Variants in FRMPD4 observed in about 807,000 individuals in gnomAD.
The protein encoded by FRMPD4 is FERM and PDZ domain containing 4.
In FRMPD4, 22 loss-of-function variants were observed where a neutral mutation model predicts 94.1. The ratio of observed to expected loss-of-function variants is 0.23; its 90% CI spans 0.17 to 0.33. FRMPD4 has a LOEUF of 0.33. FRMPD4 is among the 10% of genes least tolerant of loss of function. The probability of loss-of-function intolerance (pLI) is 1.00; values close to 1 mark genes in which losing one functional copy is unlikely to be tolerated. For missense variants in FRMPD4, 1,111 were observed against 1,339.9 expected (o/e 0.83, Z 2.67); for synonymous variants, 631 against 548.6 (o/e 1.15, Z -2.10).
chrX:12,274,038 G>A (rs1396025843), intron 1 of FRMPD4, among the ~76,000 whole-genome samples: 1 of 111,237 alleles, frequency 9.0e-6, no homozygotes, highest in Non-Finnish European at 1.9e-5. Flanking sequence ...ACATTTCATG[G>A]GTCTTTCATG....
intron 2 of FRMPD4, among the ~76,000 whole-genome samples, chrX:12,572,545 A>C (rs1376816434): frequency 8.9e-6 from 1 of 112,018 alleles, no homozygotes; most frequent in Admixed American, 9.5e-5. Context: ...TTGACATTTG[A>C]AGCCAGATGC....
intron 2 of FRMPD4, among the ~76,000 whole-genome samples, chrX:12,500,530 T>A (rs773169865): frequency 1.3e-4 from 14 of 110,795 alleles, no homozygotes; most frequent in Non-Finnish European, 1.7e-4. Flanking sequence ...GAGCACAGTT[T>A]CTTTCTGACG....
At chrX:12,039,195 CATTTA>C (rs1199714920) in intron 3 of FRMPD4, among the ~76,000 whole-genome samples, 4 of 107,930 alleles carry the variant, frequency 3.7e-5, no homozygotes, top group Non-Finnish European at 7.7e-5. Flanking sequence ...TTTATTTTTG[CATTTA>C]ATTTATTTAT....
intron 3 of FRMPD4, among the ~76,000 whole-genome samples, chrX:12,017,682 A>G (rs1376213173): frequency 8.9e-6 from 1 of 112,021 alleles, no homozygotes; most frequent in Admixed American, 9.4e-5. Context: ...AATAGGAACT[A>G]AAGACTATAT....
intron 1 of FRMPD4, among the ~76,000 whole-genome samples, chrX:12,295,398 A>T (rs745323414): frequency 8.9e-6 from 1 of 112,373 alleles, no homozygotes; most frequent in African/African-American, 3.2e-5. Flanking sequence ...AAGTGTATGC[A>T]TGGACTCTGC....
At chrX:12,168,722 T>G (rs753978956) in intron 1 of FRMPD4, among the ~76,000 whole-genome samples, 1 of 101,936 alleles carries the variant, frequency 9.8e-6, no homozygotes, top group East Asian at 3.2e-4. Flanking sequence ...GCCTCCTGGG[T>G]TCACGCCATT....
intron 3 of FRMPD4, among the ~76,000 whole-genome samples, chrX:11,961,073 G>C (rs2054281086): frequency 9.0e-6 from 1 of 111,544 alleles, no homozygotes; most frequent in Non-Finnish European, 1.9e-5. Context: ...TTTTCTAACT[G>C]TTCTTTGATC....
chrX:12,491,033 A>C (rs1264665942), intron 1 of FRMPD4, among the ~76,000 whole-genome samples: 2 of 110,629 alleles, frequency 1.8e-5, no homozygotes, highest in Non-Finnish European at 3.8e-5. Flanking sequence ...GGGATTGCCA[A>C]AATGCACTCT....
At chrX:12,695,400 T>A (rs1197666705) in intron 9 of FRMPD4, among the ~76,000 whole-genome samples, 1 of 111,073 alleles carries the variant, frequency 9.0e-6, no homozygotes, top group Non-Finnish European at 1.9e-5. Flanking sequence ...AACTCTTTTT[T>A]TTTTATTTAT....
In FRMPD4 at chrX:12,055,514, G is replaced by A. The variant is rs760181237; in HGVS notation, c.95+177496G>A. 4.5e-5 allele frequency among the ~76,000 whole-genome samples: 5 copies of A among 112,049 alleles called. No individual in the cohort carries two copies. The East Asian group carries it at 1.1e-3, about 25-fold the overall frequency. On this transcript the variant is annotated intron_variant, in intron 3 of 18. Transcript: ENST00000640291. ...TCTGCCGTGATTGGAGGCTTCCTGA[G>A]GCCTCACCAGAAGCCAGGCAGATGC... is the stretch of plus-strand genomic sequence containing the variant.
chrX:11,827,113 A>C (rs1220722589), intron 1 of FRMPD4, among the ~76,000 whole-genome samples: 1 of 103,350 alleles, frequency 9.7e-6, no homozygotes, highest in Non-Finnish European at 2.0e-5. Flanking sequence ...TATATAACAT[A>C]TATAAAAGGT....
At chrX:12,025,034 A>T (rs1254717827) in intron 3 of FRMPD4, among the ~76,000 whole-genome samples, 1 of 105,883 alleles carries the variant, frequency 9.4e-6, no homozygotes, top group Non-Finnish European at 1.9e-5. Flanking sequence ...ATAATTGACC[A>T]TCTTTTATTG....
chrX:12,544,614 G>C (rs1293268493), intron 2 of FRMPD4, among the ~76,000 whole-genome samples: 1 of 111,844 alleles, frequency 8.9e-6, no homozygotes, highest in Non-Finnish European at 1.9e-5. Context: ...CTGAGACTTG[G>C]AATGGTAGAC....
chrX:12,572,934 T>C (rs1433615201), intron 2 of FRMPD4, among the ~76,000 whole-genome samples: 1 of 111,632 alleles, frequency 9.0e-6, no homozygotes, highest in African/African-American at 3.3e-5. Context: ...ATAAAAAGTC[T>C]CTCAGGTATA....
At chrX:11,962,639 A>C (rs903020507) in intron 3 of FRMPD4, among the ~76,000 whole-genome samples, 3 of 111,901 alleles carry the variant, frequency 2.7e-5, no homozygotes, top group African/African-American at 9.7e-5. Flanking sequence ...CAGCAACTGC[A>C]TGCTGACACC....
At chrX:12,693,076 C>G (rs1049161876) in intron 8 of FRMPD4, among the ~76,000 whole-genome samples, 2 of 112,260 alleles carry the variant, frequency 1.8e-5, no homozygotes, top group East Asian at 5.5e-4. Flanking sequence ...CATTGGAATT[C>G]TTCTGTTCAA....
intron 5 of FRMPD4, among the ~76,000 whole-genome samples, chrX:12,675,371 A>G (rs1216560822): frequency 1.9e-5 from 2 of 105,872 alleles, no homozygotes; most frequent in Non-Finnish European, 3.9e-5. Context: ...GATTTCAGCT[A>G]TCATGGTTAG....
chrX:12,241,316 G>A (rs2057127162), intron 1 of FRMPD4, among the ~76,000 whole-genome samples: 1 of 112,220 alleles, frequency 8.9e-6, no homozygotes, highest in East Asian at 2.8e-4. Context: ...AGAGTTCTTC[G>A]AGGACTTTGG....
chrX:12,108,130 C>T (rs1235236465), intron 3 of FRMPD4, among the ~76,000 whole-genome samples: 1 of 111,200 alleles, frequency 9.0e-6, no homozygotes, highest in Non-Finnish European at 1.9e-5. Flanking sequence ...GTCAGATCCA[C>T]CAAAGTTGAA....
Sources: allele counts gnomAD v4.1 joint callset (sites outside exome capture counted in the v4.1 genomes callset), GRCh38; gene constraint gnomAD v4.1.1; transcripts MANE v1.5; gene names NCBI Gene and HGNC (gene_info 2026-07-23, HGNC 2026-07-21).